SPATA31H1: variants seen among roughly 807,000 people sequenced by gnomAD.
SPATA31H1 encodes the protein SPATA31 subfamily H member 1, also known as spermatogenesis-associated protein 31H1.
At chr2:27,566,290 G>A in the SPATA31H1 span, 1 of 717,296 alleles carries the variant, frequency 1.4e-6, no homozygotes, top group East Asian at 2.7e-5. Context: ...TGCATCCAGT[G>A]TTTCAGAACT....
the SPATA31H1 span, among the ~76,000 whole-genome samples, chr2:27,540,014 G>T: frequency 1.4e-3 from 183 of 130,222 alleles, no homozygotes; most frequent in Admixed American, 2.9e-3. Flanking sequence ...CCGGGCGGGG[G>T]GCTGACCCCC....
the SPATA31H1 span, among the ~76,000 whole-genome samples, chr2:27,547,339 A>C: frequency 1.3e-5 from 2 of 151,746 alleles, no homozygotes; most frequent in Non-Finnish European, 2.9e-5. Flanking sequence ...ATGCCCAGCT[A>C]ATTTTTGTAT....
At chr2:27,537,622 T>C in the SPATA31H1 span, 3 of 701,670 alleles carry the variant, frequency 4.3e-6, no homozygotes, top group Admixed American at 2.1e-5. Flanking sequence ...CCTGAGGCCA[T>C]AGAAACTGCC....
the SPATA31H1 span, among the ~76,000 whole-genome samples, chr2:27,540,336 A>AG: frequency 0.07 from 5,638 of 80,990 alleles, 89 homozygotes; most frequent in East Asian, 0.14. Flanking sequence ...ACTTCCCAGT[A>AG]GGGGCGGCCG....
At chr2:27,576,270 G>T in the SPATA31H1 span, 1 of 428,438 alleles carries the variant, frequency 2.3e-6, no homozygotes, top group Non-Finnish European at 4.1e-6. Context: ...ACATTTACAA[G>T]ATGTAAAATG....
the SPATA31H1 span, among the ~76,000 whole-genome samples, chr2:27,540,598 GGCTGCC>G: frequency 7.0e-6 from 1 of 143,576 alleles, no homozygotes; most frequent in African/African-American, 2.6e-5. Context: ...CAGACGGGGT[GGCTGCC>G]GGACGGAGGG....
chr2:27,550,180 G>T, the SPATA31H1 span, among the ~76,000 whole-genome samples: 1 of 148,340 alleles, frequency 6.7e-6, no homozygotes, highest in African/African-American at 2.5e-5. Flanking sequence ...CCATTGATTA[G>T]GACTTCCTCT....
the SPATA31H1 span, chr2:27,580,233 C>A: frequency 1.9e-6 from 3 of 1,614,054 alleles, no homozygotes; most frequent in African/African-American, 2.7e-5. Context: ...GCAGTCTGGG[C>A]CTTCCCAGTC....
the SPATA31H1 span, chr2:27,537,498 T>A: frequency 1.4e-6 from 1 of 717,442 alleles, no homozygotes; most frequent in Non-Finnish European, 2.6e-6. Context: ...TTGTTTTTTT[T>A]ATTTGGCGGC....
the SPATA31H1 span, chr2:27,577,708 C>G: frequency 6.2e-7 from 1 of 1,614,078 alleles, no homozygotes; most frequent in Non-Finnish European, 8.5e-7. This position sits in a 1 kb window ranked among gnomAD's most constrained non-coding sequence, Gnocchi z 4.5. Flanking sequence ...TTGCAATTAA[C>G]CCCCAAACCA....
chr2:27,569,151 G>C, the SPATA31H1 span: 4 of 398,904 alleles, frequency 1.0e-5, no homozygotes, highest in Admixed American at 4.4e-5. Context: ...AAAAGCAATG[G>C]GGGAAACTCC....
At chr2:27,559,651 A>C in the SPATA31H1 span, among the ~76,000 whole-genome samples, 2 of 151,572 alleles carry the variant, frequency 1.3e-5, no homozygotes, top group Non-Finnish European at 2.9e-5. Context: ...CTCTGTTTCT[A>C]TTATTTTAGT....
At chr2:27,547,519 A>T in the SPATA31H1 span, among the ~76,000 whole-genome samples, 1 of 151,938 alleles carries the variant, frequency 6.6e-6, no homozygotes, top group Non-Finnish European at 1.5e-5. Context: ...TAGGTCATTG[A>T]CATTTCCATA....
At chr2:27,551,923 C>A in the SPATA31H1 span, among the ~76,000 whole-genome samples, 1 of 151,928 alleles carries the variant, frequency 6.6e-6, no homozygotes, top group African/African-American at 2.4e-5. Flanking sequence ...TCAAGCAATT[C>A]TCCTTCCTCA....
chr2:27,540,022 C>A, the SPATA31H1 span, among the ~76,000 whole-genome samples: 1 of 126,162 alleles, frequency 7.9e-6, no homozygotes, highest in Admixed American at 7.6e-5. Flanking sequence ...GGGGCTGACC[C>A]CCCCACCTCC....
chr2:27,579,284 A>C, the SPATA31H1 span: 1 of 1,614,196 alleles, frequency 6.2e-7, no homozygotes, highest in South Asian at 1.1e-5. Context: ...CCACTATGGA[A>C]AGGAAGCTTT....
the SPATA31H1 span, among the ~76,000 whole-genome samples, chr2:27,539,101 C>CTTTTTTT: frequency 7.5e-4 from 71 of 94,526 alleles, no homozygotes; most frequent in Non-Finnish European, 1.1e-3. Flanking sequence ...TCATCATTTT[C>CTTTTTTT]TTTTTTTTTT....
the SPATA31H1 span, among the ~76,000 whole-genome samples, chr2:27,539,158 G>C: frequency 7.0e-6 from 1 of 143,792 alleles, no homozygotes; most frequent in Non-Finnish European, 1.5e-5. Context: ...TCTCGCAGAG[G>C]GGGATTTGGC....
At chr2:27,537,417 G>C in the SPATA31H1 span, 13 of 716,992 alleles carry the variant, frequency 1.8e-5, no homozygotes, top group Non-Finnish European at 2.1e-5. Context: ...GAAGAGCATG[G>C]GGTTGAGAAA....
Sources: gnomAD v4.1 joint callset for allele counts (sites outside exome capture counted in the v4.1 genomes callset) on GRCh38, gnomAD v4.1.1 for gene constraint, Gnocchi (gnomAD v3.1) non-coding constraint, MANE v1.5 for transcripts, NCBI Gene and HGNC (gene_info 2026-07-23, HGNC 2026-07-21) for gene names.